GRM8: variants seen among roughly 807,000 people sequenced by gnomAD.
The protein encoded by GRM8 is metabotropic glutamate receptor 8.
Under a neutral mutation model 87.2 loss-of-function variants are expected in GRM8, and 47 were observed. The ratio of observed to expected loss-of-function variants is 0.54; its 90% confidence interval spans 0.43 to 0.69. The LOEUF is 0.69. Among genes scored for constraint, GRM8 ranks in the 30% least tolerant of loss-of-function variants. GRM8 has a pLI of 0.00. For synonymous variants in GRM8, 396 were observed against 404.5 expected (o/e 0.98, Z 0.25); for missense variants, 1,019 against 1,139.2 (o/e 0.89, Z 1.52).
At chr7:127,159,958 C>T (rs1792995573) in intron 2 of GRM8, among the ~76,000 whole-genome samples, 2 of 152,092 alleles carry the variant, frequency 1.3e-5, no homozygotes, top group Non-Finnish European at 2.9e-5. Context: ...ATTGACTTCA[C>T]TTCTAAAGTA....
chr7:126,880,739 C>T (rs1799949506), intron 6 of GRM8, among the ~76,000 whole-genome samples: 1 of 152,166 alleles, frequency 6.6e-6, no homozygotes, highest in South Asian at 2.1e-4. Flanking sequence ...AACTTGCCTC[C>T]AATCACTTTA....
intron 3 of GRM8, among the ~76,000 whole-genome samples, chr7:127,003,906 C>T (rs563611565): frequency 6.6e-6 from 1 of 151,746 alleles, no homozygotes; most frequent in East Asian, 1.9e-4. Context: ...AACTCCAAAA[C>T]AATATGTAGG....
At chr7:126,445,781 G>A (rs1244671921) in intron 10 of GRM8, among the ~76,000 whole-genome samples, 1 of 151,956 alleles carries the variant, frequency 6.6e-6, no homozygotes, top group Non-Finnish European at 1.5e-5. Context: ...CACCCAGTAT[G>A]GAACAAGAAA....
chr7:126,578,518 C>A (rs1159478619), intron 8 of GRM8, among the ~76,000 whole-genome samples: 3 of 152,104 alleles, frequency 2.0e-5, no homozygotes, highest in Non-Finnish European at 4.4e-5. Context: ...CAGAGGCAGC[C>A]ACAAAGCTCC....
chr7:126,853,780 C>G lies in GRM8; in HGVS notation c.1156+48762G>C, dbSNP rs1797438239. ...GCCTGGAGGTGTGCTCCTGTTCTCT[C>G]CCACTCCTCTCTTCACTTGCTCTCC... On this transcript the variant is annotated intron_variant, in intron 6 of 10. Transcript: ENST00000339582. 2.0e-5 allele frequency among the ~76,000 whole-genome samples: 3 copies of G among 152,152 alleles called. No individual in the cohort carries two copies. In the South Asian group the frequency reaches 6.2e-4, roughly 32 times the overall value.
intron 9 of GRM8, among the ~76,000 whole-genome samples, chr7:126,450,309 A>T (rs1157512933): frequency 1.3e-5 from 2 of 151,838 alleles, no homozygotes; most frequent in African/African-American, 4.8e-5. Flanking sequence ...GTAAACTATT[A>T]TGAAACCTAA....
At chr7:126,688,127 C>T (rs1808379071) in intron 7 of GRM8, among the ~76,000 whole-genome samples, 1 of 152,074 alleles carries the variant, frequency 6.6e-6, no homozygotes, top group Non-Finnish European at 1.5e-5. Context: ...TTCTCATATC[C>T]AGTAGGAGAA....
At chr7:126,915,679 A>G (rs1284325736) in intron 3 of GRM8, among the ~76,000 whole-genome samples, 1 of 152,188 alleles carries the variant, frequency 6.6e-6, no homozygotes, top group African/African-American at 2.4e-5. Flanking sequence ...AAACAAAGAA[A>G]GAAATATAAA....
At chr7:127,022,675 G>T (rs1816392998) in intron 3 of GRM8, among the ~76,000 whole-genome samples, 1 of 152,024 alleles carries the variant, frequency 6.6e-6, no homozygotes, top group Non-Finnish European at 1.5e-5. Flanking sequence ...GACAGAAAGA[G>T]AATACTTTTT....
intron 7 of GRM8, among the ~76,000 whole-genome samples, chr7:126,612,789 C>T (rs1799049166): frequency 1.3e-5 from 2 of 152,198 alleles, no homozygotes; most frequent in South Asian, 2.1e-4. Flanking sequence ...AAAGAGGCAT[C>T]CCCTAATGAT....
intron 2 of GRM8, among the ~76,000 whole-genome samples, chr7:127,168,790 G>A (rs916629081): frequency 1.3e-5 from 2 of 152,036 alleles, no homozygotes; most frequent in Admixed American, 6.6e-5. Context: ...TCACACATAA[G>A]TGGGAGTTGA....
chr7:126,814,702 CT>C (rs35666218), intron 6 of GRM8, among the ~76,000 whole-genome samples: 30,890 of 147,946 alleles, frequency 0.21, 3,483 homozygotes, highest in East Asian at 0.5. Context: ...TTCTTTTTCT[CT>C]TTTTTTTTTG....
At chr7:126,730,746 A>G (rs765422192) in intron 7 of GRM8, among the ~76,000 whole-genome samples, 3 of 152,134 alleles carry the variant, frequency 2.0e-5, no homozygotes, top group Non-Finnish European at 4.4e-5. Flanking sequence ...AATATGGAGA[A>G]AGTTACTACT....
chr7:126,997,880 T>G (rs551928131), intron 3 of GRM8, among the ~76,000 whole-genome samples: 1 of 151,816 alleles, frequency 6.6e-6, no homozygotes, highest in Non-Finnish European at 1.5e-5. Flanking sequence ...CCAATCTTAC[T>G]CAAACTATTT....
chr7:126,653,161 G>A (rs1189467319), intron 7 of GRM8, among the ~76,000 whole-genome samples: 1 of 152,058 alleles, frequency 6.6e-6, no homozygotes. Context: ...TAAATAGCAA[G>A]GTGTGTTGGT....
At chr7:126,650,799 C>T (rs1220725626) in intron 7 of GRM8, among the ~76,000 whole-genome samples, 1 of 151,966 alleles carries the variant, frequency 6.6e-6, no homozygotes, top group Non-Finnish European at 1.5e-5. Flanking sequence ...ACCACTCAGC[C>T]TCTTTCCCCA....
chr7:126,446,371 A>T lies in GRM8; in HGVS notation c.2432T>A (p.Met811Lys). The T allele has an allele frequency of 6.3e-7, 1 of 1,582,788 alleles. No individual in the cohort carries two copies. Among genetic ancestry groups the T allele is most frequent in the Non-Finnish European group, 8.6e-7 (1 of 1,161,806 alleles). ...FFGTAQSAEK[M>K]YIQTTTLTVS... ...AGTAAGTGTTGTTGTCTGGATGTAC[A>T]TCTGAGGGAAGAAAAAAAAAAGAAT... Residue 811 changes from methionine to lysine, a missense_variant and splice_region_variant, in exon 10 of 11, where the codon ATG becomes AAG. By Grantham distance (95) the Met-to-Lys change is moderately conservative. Coordinates refer to ENST00000339582, the MANE Select transcript of GRM8 (RefSeq NM_000845.3).
intron 7 of GRM8, among the ~76,000 whole-genome samples, chr7:126,662,163 G>T (rs1319179919): frequency 6.6e-6 from 1 of 152,096 alleles, no homozygotes; most frequent in East Asian, 1.9e-4. Flanking sequence ...GAAGCTTAAA[G>T]GAAAATAAGA....
At chr7:127,129,053 A>G (rs1827532892) in intron 2 of GRM8, among the ~76,000 whole-genome samples, 1 of 152,136 alleles carries the variant, frequency 6.6e-6, no homozygotes, top group South Asian at 2.1e-4. Context: ...ACCATATCCA[A>G]CCTGATAAAT....
Sources: allele counts gnomAD v4.1 joint callset (sites outside exome capture counted in the v4.1 genomes callset), GRCh38; gene constraint gnomAD v4.1.1; transcripts MANE v1.5; gene names NCBI Gene and HGNC (gene_info 2026-07-23, HGNC 2026-07-21).